The following RGPD2 variants were observed in gnomAD, a reference collection of about 807,000 sequenced individuals.
The protein encoded by RGPD2 is RANBP2 like and GRIP domain containing 2.
RGPD2 carries 2 observed loss-of-function variants against 36.0 expected under a neutral mutation model. The observed-to-expected ratio is 0.06, with a 90% CI of 0.02 to 0.17. The LOEUF (loss-of-function observed/expected upper bound fraction) is 0.17, where lower values mean the gene tolerates loss of function less well. Among genes scored for constraint, RGPD2 ranks in the 10% least tolerant of loss-of-function variants. The pLI is 1.00. For synonymous variants in RGPD2, 19 were observed against 163.8 expected (o/e 0.12, Z 6.75); for missense variants, 40 against 464.3 (o/e 0.09, Z 8.40).
chr2:87,911,286 G>C, the RGPD2 span, among the ~76,000 whole-genome samples: 1 of 143,122 alleles, frequency 7.0e-6, no homozygotes, highest in Non-Finnish European at 1.5e-5. Context: ...CTTTTGACTA[G>C]CGAAGAGCTT....
intron 6 of RGPD2, among the ~76,000 whole-genome samples, chr2:87,809,866 C>A (rs1348858618): frequency 7.7e-6 from 1 of 129,742 alleles, no homozygotes; most frequent in African/African-American, 2.7e-5. Context: ...CCTGGGGCTT[C>A]CTGGTGGGGA....
chr2:87,965,594 C>G, the RGPD2 span, among the ~76,000 whole-genome samples: 1 of 152,126 alleles, frequency 6.6e-6, no homozygotes, highest in Non-Finnish European at 1.5e-5. Context: ...TAAAACTACA[C>G]GTGGCTCTCC....
At chr2:87,894,156 A>G in the RGPD2 span, among the ~76,000 whole-genome samples, 1 of 151,644 alleles carries the variant, frequency 6.6e-6, no homozygotes, top group East Asian at 1.9e-4. Flanking sequence ...GAAATTTGAG[A>G]TAATAAATGA....
At chr2:87,805,814 C>T (rs549627274) in intron 7 of RGPD2, among the ~76,000 whole-genome samples, 1 of 151,442 alleles carries the variant, frequency 6.6e-6, no homozygotes, top group South Asian at 2.1e-4. Context: ...GAGCCGAGAT[C>T]GTGCCACTGC....
chr2:87,941,111 A>G, the RGPD2 span, among the ~76,000 whole-genome samples: 777 of 151,870 alleles, frequency 5.1e-3, 1 homozygote, highest in South Asian at 9.6e-3. Flanking sequence ...TGGCAATTCA[A>G]ATATGAGGGG....
At chr2:87,937,407 G>A in the RGPD2 span, among the ~76,000 whole-genome samples, 1 of 151,910 alleles carries the variant, frequency 6.6e-6, no homozygotes, top group Non-Finnish European at 1.5e-5. Flanking sequence ...TTTATAAAGA[G>A]AAAAGTTTTT....
the RGPD2 span, among the ~76,000 whole-genome samples, chr2:87,907,466 ATTGTGGGT>A: frequency 5.3e-3 from 23 of 4,368 alleles, 1 homozygote; most frequent in South Asian, 8.8e-3. Flanking sequence ...AAAAAAAAGA[ATTGTGGGT>A]ATGAAATAGG....
chr2:87,988,537 ATATATTTTTTT>A, the RGPD2 span, among the ~76,000 whole-genome samples: 4 of 25,924 alleles, frequency 1.5e-4, no homozygotes, highest in East Asian at 0.013. Context: ...ATATATATAT[ATATATTTTTTT>A]TTTTTCTTTT....
At chr2:87,966,688 A>G in the RGPD2 span, among the ~76,000 whole-genome samples, 1 of 151,878 alleles carries the variant, frequency 6.6e-6, no homozygotes, top group African/African-American at 2.4e-5. Flanking sequence ...AGCACTTCGG[A>G]GGCCAAGGTG....
the RGPD2 span, chr2:87,985,586 A>T: frequency 1.3e-6 from 1 of 797,214 alleles, no homozygotes; most frequent in Admixed American, 2.3e-5. Context: ...GATTTACAAC[A>T]TATAGATACA....
At chr2:87,856,635 T>G in the RGPD2 span, among the ~76,000 whole-genome samples, 2 of 151,364 alleles carry the variant, frequency 1.3e-5, no homozygotes. Context: ...AGGTCACTAG[T>G]GCAGCCTAAC....
the RGPD2 span, among the ~76,000 whole-genome samples, chr2:87,855,275 G>A: frequency 6.6e-6 from 1 of 151,986 alleles, no homozygotes; most frequent in Admixed American, 6.6e-5. Flanking sequence ...TTGTATGGTA[G>A]CGCTATGTTT....
upstream of RGPD2, chr2:87,825,944 G>A (rs912245072): frequency 1.2e-4 from 64 of 556,260 alleles, no homozygotes; most frequent in East Asian, 2.2e-3. Flanking sequence ...GTGCTCTGAG[G>A]GTGTCTTGCC....
At chr2:87,781,777 CTGAG>C (rs1392085371) in intron 20 of RGPD2, among the ~76,000 whole-genome samples, 72 of 139,412 alleles carry the variant, frequency 5.2e-4, no homozygotes, top group South Asian at 2.7e-3. Context: ...ATCATGTTTT[CTGAG>C]TGACAAAAGA....
the RGPD2 span, among the ~76,000 whole-genome samples, chr2:87,986,561 A>G: frequency 1.3e-5 from 2 of 152,046 alleles, no homozygotes; most frequent in South Asian, 4.2e-4. Flanking sequence ...ACTCTTAAAG[A>G]TGTTCTAGCT....
the RGPD2 span, among the ~76,000 whole-genome samples, chr2:87,964,098 C>T: frequency 6.6e-6 from 1 of 152,104 alleles, no homozygotes; most frequent in African/African-American, 2.4e-5. Context: ...TCCCAAAGTG[C>T]TCGGATACAG....
chr2:87,962,671 G>A, the RGPD2 span, among the ~76,000 whole-genome samples: 2 of 151,714 alleles, frequency 1.3e-5, no homozygotes, highest in Non-Finnish European at 2.9e-5. Context: ...GATCTTGATG[G>A]AAGCCAGTAG....
At chr2:87,837,027 T>C in the RGPD2 span, among the ~76,000 whole-genome samples, 1 of 152,038 alleles carries the variant, frequency 6.6e-6, no homozygotes, top group East Asian at 1.9e-4. Flanking sequence ...CAAAAATATG[T>C]GACTATTCTA....
At position 87,809,340 on chromosome 2, in the gene RGPD2, T is replaced by G. The variant is rs554380461; in HGVS notation, c.779+2145A>C. Among the ~76,000 whole-genome samples the G allele has an allele frequency of 5.6e-3, 815 of 144,818 alleles. 5 individuals are homozygous for G. The highest frequency in any genetic ancestry group is 0.025 in the Middle Eastern group (7 of 278). On this transcript the variant is annotated intron_variant, in intron 6 of 22. Coordinates refer to ENST00000398146, the MANE Select transcript of RGPD2 (RefSeq NM_001078170.3). ...AAGATCGAGACCATCCTGGCCAACA[T>G]GATGAAACCCTGTTTCTACTAAAAA...
Sources: allele counts gnomAD v4.1 joint callset (sites outside exome capture counted in the v4.1 genomes callset), GRCh38; gene constraint gnomAD v4.1.1; transcripts MANE v1.5; gene names NCBI Gene and HGNC (gene_info 2026-07-23, HGNC 2026-07-21).